PHF20: variants seen among roughly 807,000 people sequenced by gnomAD.
The protein encoded by PHF20 is glioma-expressed antigen 2.
Under a neutral mutation model 113.5 loss-of-function variants are expected in PHF20, and 23 were observed. That is an observed-to-expected ratio of 0.20 (90% confidence interval 0.15 to 0.29). The LOEUF (loss-of-function observed/expected upper bound fraction) is 0.29. PHF20 is among the 10% of genes least tolerant of loss of function. The pLI is 1.00. For synonymous variants in PHF20, 434 were observed against 457.3 expected (o/e 0.95, Z 0.65); for missense variants, 943 against 1,219.6 (o/e 0.77, Z 3.38).
chr20:35,797,871 C>G (rs549662781), intron 1 of PHF20, among the ~76,000 whole-genome samples: 4 of 151,806 alleles, frequency 2.6e-5, no homozygotes, highest in Admixed American at 1.3e-4. Flanking sequence ...AGGATTGTCT[C>G]GATCTCTTGA....
In PHF20 at chr20:35,897,559, C is replaced by CTTTTTTT. The variant is rs150122625; in HGVS notation, c.1283-1794_1283-1788dup. ...AACTTATTCCTCCTATTCTGGATCC[C>CTTTTTTT]TTTTTTTTTTTTTTTTTTTTTTTCT... On this transcript the variant is annotated intron_variant, in intron 9 of 17. Coordinates refer to ENST00000374012, the MANE Select transcript of PHF20 (RefSeq NM_016436.5). 1.5e-3 allele frequency among the ~76,000 whole-genome samples: 162 copies of CTTTTTTT among 107,676 alleles called. 2 individuals carry two copies. Among genetic ancestry groups the CTTTTTTT allele is most frequent in the Middle Eastern group, 6.7e-3 (1 of 150 alleles). The allele number at this position is 107,676 out of a possible 152,430, so 70.6% of individuals were successfully genotyped here. A position where few individuals can be genotyped will look rare whatever the true frequency, so the allele number is the denominator to read the frequency against.
At chr20:35,793,949 T>C (rs2041612070) in intron 1 of PHF20, among the ~76,000 whole-genome samples, 1 of 143,052 alleles carries the variant, frequency 7.0e-6, no homozygotes, top group African/African-American at 2.7e-5. Flanking sequence ...AGAGCCGAGA[T>C]TGCACCTTGC....
intron 2 of PHF20, among the ~76,000 whole-genome samples, chr20:35,816,920 TA>T (rs2042086210): frequency 6.6e-6 from 1 of 151,098 alleles, no homozygotes; most frequent in Admixed American, 6.6e-5. Flanking sequence ...GCCTCGTGAG[TA>T]GTGGGATTAC....
intron 2 of PHF20, among the ~76,000 whole-genome samples, chr20:35,807,010 T>C (rs1051262703): frequency 4.6e-5 from 7 of 151,976 alleles, no homozygotes; most frequent in South Asian, 2.1e-4. Flanking sequence ...TTAGCCAGGA[T>C]GGTCTCGATC....
chr20:35,909,012 C>A (rs1274736143), intron 10 of PHF20, among the ~76,000 whole-genome samples: 1 of 152,074 alleles, frequency 6.6e-6, no homozygotes, highest in African/African-American at 2.4e-5. Context: ...ATCTGTAGAG[C>A]TTTTATTTCC....
intron 3 of PHF20, among the ~76,000 whole-genome samples, chr20:35,844,205 C>T (rs1343219263): frequency 4.0e-5 from 6 of 151,710 alleles, no homozygotes; most frequent in Admixed American, 6.6e-5. Flanking sequence ...TGGGTTCAAG[C>T]GATTCCCCTG....
At chr20:35,944,373 A>G (rs1407047527) in intron 17 of PHF20, among the ~76,000 whole-genome samples, 1 of 151,970 alleles carries the variant, frequency 6.6e-6, no homozygotes, top group Non-Finnish European at 1.5e-5. Flanking sequence ...GCGCTTTCAC[A>G]CTGTGCATGC....
chr20:35,872,524 A>G (rs951874184), intron 9 of PHF20, among the ~76,000 whole-genome samples: 11 of 152,174 alleles, frequency 7.2e-5, no homozygotes, highest in African/African-American at 2.4e-5. Flanking sequence ...CTCAGTCTAA[A>G]TAAATAAATA....
chr20:35,780,228 T>C (rs898418684), intron 1 of PHF20, among the ~76,000 whole-genome samples: 12 of 147,450 alleles, frequency 8.1e-5, no homozygotes, highest in African/African-American at 2.0e-4. Context: ...TTTCTTTTTT[T>C]TTTTTTTTTT....
intron 2 of PHF20, among the ~76,000 whole-genome samples, chr20:35,807,783 T>G (rs2041911012): frequency 6.6e-6 from 1 of 152,184 alleles, no homozygotes; most frequent in African/African-American, 2.4e-5. Context: ...TTTATGACAT[T>G]TATGAGATTG....
At chr20:35,893,295 C>G (rs1017318969) in intron 9 of PHF20, among the ~76,000 whole-genome samples, 2 of 151,706 alleles carry the variant, frequency 1.3e-5, no homozygotes, top group Admixed American at 1.3e-4. Context: ...TATCTTTCAA[C>G]AGATAGTTTG....
At chr20:35,798,413 TCTCC>T (rs528036362) in intron 1 of PHF20, among the ~76,000 whole-genome samples, 22 of 151,790 alleles carry the variant, frequency 1.4e-4, no homozygotes, top group Non-Finnish European at 2.6e-4. Context: ...CAAGACCTTG[TCTCC>T]AAAAAAATAA....
intron 1 of PHF20, 34 bp from the exon 2 acceptor site, chr20:35,801,457 C>T: frequency 5.9e-6 from 7 of 1,185,948 alleles, no homozygotes; most frequent in Admixed American, 1.9e-5. Context: ...TGGACTTTGC[C>T]TAAGTTTCAT....
Position 35,917,646 on chromosome 20 carries a change from A to G in PHF20, c.1988A>G (p.Asn663Ser). 1.2e-6 allele frequency: 2 copies of G among 1,613,720 alleles called. No homozygotes were observed. Among genetic ancestry groups the G allele is most frequent in the Middle Eastern group, 1.7e-4 (1 of 6,046 alleles). ...VRCICEVQEE[N>S]DFMIQCEECQ... is the part of the protein sequence containing the mutation. ...TGCATCTGTGAGGTCCAGGAGGAAAATGACTTCATGATTCAGGTAGGCAGA... is the reference window on the plus strand; with the variant it reads ...TGCATCTGTGAGGTCCAGGAGGAAAGTGACTTCATGATTCAGGTAGGCAGA... The change falls in exon 13 of 18, where the codon AAT becomes AGT. Residue 663 changes from asparagine (N) to serine (S), a missense_variant. By Grantham distance (46) the Asn-to-Ser change is conservative. Transcript: ENST00000374012.
At chr20:35,790,969 C>T (rs1326850586) in intron 1 of PHF20, among the ~76,000 whole-genome samples, 1 of 152,124 alleles carries the variant, frequency 6.6e-6, no homozygotes, top group Non-Finnish European at 1.5e-5. Flanking sequence ...AGCGATTCTC[C>T]TGTCTCAGCC....
chr20:35,924,054 C>A (rs908414537), intron 13 of PHF20, among the ~76,000 whole-genome samples: 1 of 152,146 alleles, frequency 6.6e-6, no homozygotes, highest in African/African-American at 2.4e-5. Flanking sequence ...CCCTGCCCTG[C>A]CTAAAAGTTA....
intron 2 of PHF20, among the ~76,000 whole-genome samples, chr20:35,827,843 T>C (rs2042290415): frequency 6.6e-6 from 1 of 151,292 alleles, no homozygotes. Flanking sequence ...GATGTAGATA[T>C]CGATCTTGAT....
intron 2 of PHF20, among the ~76,000 whole-genome samples, chr20:35,830,601 T>A (rs1042076872): frequency 6.6e-6 from 1 of 152,236 alleles, no homozygotes; most frequent in African/African-American, 2.4e-5. Flanking sequence ...TGAGTCCTTG[T>A]GTTCAGTGTT....
In PHF20 at chr20:35,858,267, G is replaced by T. The variant is rs111346954; in HGVS notation, c.341-35G>T. 6.4e-6 allele frequency: 7 copies of T among 1,097,254 alleles called. No homozygotes were observed. In the African/African-American group the frequency reaches 7.7e-5, roughly 12 times the overall value. 68.0% of individuals were successfully genotyped at this position (1,097,254 alleles called of 1,614,324 possible). On this transcript the variant is annotated intron_variant, in intron 4 of 17. Coordinates refer to ENST00000374012, the MANE Select transcript of PHF20 (RefSeq NM_016436.5). Reference sequence around the variant, plus strand: ...AAAAGTTACCACTTTTCATGAAATTGTGAGTTAAAATCATGATATCTTCTT... The same window carrying T: ...AAAAGTTACCACTTTTCATGAAATTTTGAGTTAAAATCATGATATCTTCTT...
Sources: allele counts gnomAD v4.1 joint callset (sites outside exome capture counted in the v4.1 genomes callset), GRCh38; gene constraint gnomAD v4.1.1; transcripts MANE v1.5; gene names NCBI Gene and HGNC (gene_info 2026-07-23, HGNC 2026-07-21).